Variants in GPHB5 observed in about 807,000 individuals in gnomAD.
GPHB5 encodes glycoprotein hormone subunit beta 5.
A neutral mutation model predicts 10.1 loss-of-function variants in GPHB5; 7 were observed. The observed-to-expected ratio is 0.69, with a 90% CI of 0.39 to 1.30. The LOEUF (loss-of-function observed/expected upper bound fraction) is 1.30, where lower values mean the gene tolerates loss of function less well. GPHB5 is among the 50% of genes most tolerant of loss of function. GPHB5 has a pLI of 0.01. For missense variants in GPHB5, 161 were observed against 169.8 expected (o/e 0.95, Z 0.29); for synonymous variants, 68 against 70.1 (o/e 0.97, Z 0.15).
chr14:63,317,783 G>A lies in GPHB5; in HGVS notation c.67C>T (p.Leu23Phe), dbSNP rs1882798023. 2 of 1,613,916 alleles carry A rather than the reference G, an allele frequency of 1.2e-6. No individual in the cohort carries two copies. The highest frequency in any genetic ancestry group is 1.3e-5 in the African/African-American group (1 of 74,936). Residue 23 changes from leucine to phenylalanine, a missense_variant, in exon 2 of 3, where the codon CTC becomes TTC. Physicochemically the swap from Leu to Phe is conservative, Grantham distance 22. Coordinates refer to ENST00000621500, the MANE Select transcript of GPHB5 (RefSeq NM_145171.4). The part of the protein sequence containing the change: ...LLLLAGYGCV[L>F]GASSGNLRTF... ...CGCAGGTTCCCACTGGAGGCACCGA[G>A]GACACAGCCATAGCCAGCCAGAAGG...
rs1882818799 is a variant in GPHB5, at chr14:63,318,934, T to C, written c.-112A>G. 1 of 152,210 alleles carries C rather than the reference T, an allele frequency of 6.6e-6. No homozygotes were observed. The highest frequency in any genetic ancestry group is 1.5e-5 in the Non-Finnish European group (1 of 68,050). The allele number at this position is 152,210 out of a possible 1,614,324, so 9.4% of individuals were successfully genotyped here. On this transcript the variant is annotated 5_prime_UTR_variant, in exon 1 of 3. Coordinates refer to ENST00000621500, the MANE Select transcript of GPHB5 (RefSeq NM_145171.4). ...CCTGGGTAAATGTCTCTACCTTCTG[T>C]TACTGGGCTGCTTGATTGCTCAAAT...
rs762300837 is a variant in GPHB5 at position 63,317,633 on chromosome 14, C to A, written c.204+13G>T. 3 of 1,613,426 alleles carry A rather than the reference C, an allele frequency of 1.9e-6. No individual in the cohort carries two copies. The highest frequency in any genetic ancestry group is 2.2e-5 in the South Asian group (2 of 91,038). Reference sequence around the variant, plus strand: ...CTAGAAGACACTGTCATCTGCACAACTTAGCAACTCACCTCCCAGGTCTCA... The same window carrying A: ...CTAGAAGACACTGTCATCTGCACAAATTAGCAACTCACCTCCCAGGTCTCA... On this transcript the variant is annotated intron_variant, in intron 2 of 2. Transcript: ENST00000621500.
At chr14:63,316,676 T>A (rs75316250) in intron 2 of GPHB5, among the ~76,000 whole-genome samples, 18,893 of 151,766 alleles carry the variant, frequency 0.12, 1,437 homozygotes, top group African/African-American at 0.21. Flanking sequence ...CAAAATGAGA[T>A]CCATAAGGGC....
intron 2 of GPHB5, among the ~76,000 whole-genome samples, chr14:63,314,905 C>CTT (rs71120257): frequency 0.087 from 6,548 of 75,180 alleles, 289 homozygotes; most frequent in Non-Finnish European, 0.14. Flanking sequence ...TTTCTTTTTT[C>CTT]TTTTTTTTTT....
At chr14:63,317,892 G>A in intron 1 of GPHB5, 42 bp from the exon 2 acceptor site, 2 of 1,582,714 alleles carry the variant, frequency 1.3e-6, no homozygotes, top group East Asian at 2.3e-5. Context: ...TAACAGATCT[G>A]GCTGCCTTCA....
At chr14:63,316,360 T>TA (rs1301065312) in intron 2 of GPHB5, among the ~76,000 whole-genome samples, 1 of 152,200 alleles carries the variant, frequency 6.6e-6, no homozygotes, top group Non-Finnish European at 1.5e-5. Context: ...TGGCCTTCCA[T>TA]TAGGCTGGAG....
intron 2 of GPHB5, among the ~76,000 whole-genome samples, chr14:63,316,741 T>C (rs190938302): frequency 6.6e-6 from 1 of 152,350 alleles, no homozygotes; most frequent in Non-Finnish European, 1.5e-5. Context: ...GAAAATGTGC[T>C]GTCTCCAGGA....
intron 2 of GPHB5, among the ~76,000 whole-genome samples, chr14:63,316,189 G>T (rs2139684169): frequency 6.6e-6 from 1 of 152,352 alleles, no homozygotes; most frequent in South Asian, 2.1e-4. Context: ...TACTTTGATA[G>T]AGTAGTTTCA....
chr14:63,317,961 G>C, intron 1 of GPHB5, 111 bp from the exon 2 acceptor site: 2 of 930,718 alleles, frequency 2.1e-6, no homozygotes, highest in South Asian at 3.5e-5. Context: ...TAGCATTTCA[G>C]GGAAAATGAG....
intron 2 of GPHB5, among the ~76,000 whole-genome samples, chr14:63,314,864 T>C (rs547973048): frequency 4.8e-4 from 72 of 151,466 alleles, no homozygotes; most frequent in African/African-American, 1.7e-3. Context: ...CTTGCATGAA[T>C]GTCATGAAAA....
intron 2 of GPHB5, among the ~76,000 whole-genome samples, chr14:63,313,911 C>T (rs1308289179): frequency 6.6e-6 from 1 of 152,180 alleles, no homozygotes; most frequent in South Asian, 2.1e-4. Flanking sequence ...ACGACGTAGT[C>T]TACCTTTCAT....
chr14:63,317,934 C>A, intron 1 of GPHB5, 84 bp from the exon 2 acceptor site: 1 of 1,236,970 alleles, frequency 8.1e-7, no homozygotes. Flanking sequence ...TTGTCACTAT[C>A]AAAGGGACCT....
chr14:63,313,009 G>A lies in GPHB5; in HGVS notation c.312C>T (p.Asp104=), dbSNP rs1416037006. 6.3e-7 allele frequency: 1 copy of A among 1,584,256 alleles called. No individual in the cohort carries two copies. The highest frequency in any genetic ancestry group is 1.8e-5 in the Admixed American group (1 of 55,082). ...TGGCCACGGGATAGGTGTAGAAGGG[G>A]TCGACTCCCGGGGCACAGTTGGGCA... is the stretch of plus-strand genomic sequence containing the variant. The part of the protein sequence containing the change: ...VKLPNCAPGV[D]PFYTYPVAIR... The change falls in exon 3 of 3, where the codon GAC becomes GAT. Residue 104 remains aspartate, a synonymous_variant. Transcript: ENST00000621500.
In GPHB5 at chr14:63,312,944, T is replaced by G; in HGVS notation, c.377A>C (p.Glu126Ala). 6.4e-7 allele frequency: 1 copy of G among 1,552,860 alleles called. No individual in the cohort carries two copies. The highest frequency in any genetic ancestry group is 1.4e-5 in the African/African-American group (1 of 73,254). The change falls in exon 3 of 3, where the codon GAG becomes GCG. Residue 126 changes from glutamate (E) to alanine (A), a missense_variant. By Grantham distance (107) the Glu-to-Ala change is moderately radical (BLOSUM62 -1). Transcript: ENST00000621500. ...CTAGCGGCCTCAGATGGTCTCACAC[T>G]CCGTGGTGGCAGTGGAGCAGGCTCC... ...DCGACSTATT[E>A]CETI
chr14:63,317,182 C>A (rs1306729617), intron 2 of GPHB5, among the ~76,000 whole-genome samples: 1 of 152,172 alleles, frequency 6.6e-6, no homozygotes, highest in African/African-American at 2.4e-5. Flanking sequence ...GGGACCAACG[C>A]TCACCCTTCA....
chr14:63,317,664 A>G lies in GPHB5; in HGVS notation c.186T>C (p.Gly62=), dbSNP rs754889778. 7.4e-6 allele frequency: 12 copies of G among 1,613,702 alleles called. No homozygotes were observed. The highest frequency in any genetic ancestry group is 1.0e-5 in the Non-Finnish European group (12 of 1,179,828). Residue 62 remains glycine, a synonymous_variant, in exon 2 of 3, where the codon GGT becomes GGC. Coordinates refer to ENST00000621500, the MANE Select transcript of GPHB5 (RefSeq NM_145171.4). ...GLRITTDACW[G]RCETWEKPIL... ...AACTCACCTCCCAGGTCTCACAGCGACCCCAGCAGGCATCCGTGGTGATCC... is the reference window on the plus strand; with the variant it reads ...AACTCACCTCCCAGGTCTCACAGCGGCCCCAGCAGGCATCCGTGGTGATCC...
intron 2 of GPHB5, among the ~76,000 whole-genome samples, chr14:63,317,150 T>C (rs1214974081): frequency 1.3e-5 from 2 of 152,164 alleles, no homozygotes; most frequent in East Asian, 1.9e-4. Flanking sequence ...GAAGAGGCAG[T>C]GAAGGGGTCT....
At chr14:63,314,954 GTA>G (rs1468433392) in intron 2 of GPHB5, among the ~76,000 whole-genome samples, 1 of 145,550 alleles carries the variant, frequency 6.9e-6, no homozygotes, top group East Asian at 2.0e-4. Flanking sequence ...CCAGGCTGGA[GTA>G]TAGTGGCATG....
At chr14:63,317,201 C>T (rs901397854) in intron 2 of GPHB5, among the ~76,000 whole-genome samples, 1 of 152,100 alleles carries the variant, frequency 6.6e-6, no homozygotes, top group African/African-American at 2.4e-5. Context: ...CAGCTCAGGG[C>T]CTCTTTCTTG....
Sources: allele counts gnomAD v4.1 joint callset (sites outside exome capture counted in the v4.1 genomes callset), GRCh38; gene constraint gnomAD v4.1.1; transcripts MANE v1.5; gene names NCBI Gene and HGNC (gene_info 2026-07-23, HGNC 2026-07-21).